The following FOXO3 variants were observed in gnomAD, a reference collection of about 807,000 sequenced individuals.
FOXO3 encodes the protein forkhead box O3, also known as forkhead box protein O3.
A neutral mutation model predicts 41.9 loss-of-function variants in FOXO3; 4 were observed. The observed-to-expected ratio is 0.10, with a 90% CI of 0.05 to 0.22. The LOEUF is 0.22. Among genes scored for constraint, FOXO3 ranks in the 10% least tolerant of loss-of-function variants. FOXO3 has a pLI of 1.00. For synonymous variants in FOXO3, 318 were observed against 389.3 expected (o/e 0.82, Z 2.16); for missense variants, 534 against 906.8 (o/e 0.59, Z 5.28).
chr6:108,671,328 G>A (rs939705330), intron 2 of FOXO3, among the ~76,000 whole-genome samples: 3 of 152,152 alleles, frequency 2.0e-5, no homozygotes, highest in African/African-American at 4.8e-5. Context: ...GACATGAGCC[G>A]CCCACTTCAG....
intron 1 of FOXO3, among the ~76,000 whole-genome samples, chr6:108,602,614 G>A (rs1039328753): frequency 6.6e-6 from 1 of 151,968 alleles, no homozygotes; most frequent in African/African-American, 2.4e-5. Flanking sequence ...TTATCCAGAA[G>A]GAGGCAAGTG....
intron 2 of FOXO3, among the ~76,000 whole-genome samples, chr6:108,670,646 T>G (rs2128390058): frequency 6.6e-6 from 1 of 152,322 alleles, no homozygotes; most frequent in South Asian, 2.1e-4. Flanking sequence ...TAAATGTGTT[T>G]GATATCTTGA....
At chr6:108,650,500 T>A (rs182577285) in intron 1 of FOXO3, among the ~76,000 whole-genome samples, 1 of 152,234 alleles carries the variant, frequency 6.6e-6, no homozygotes, top group Admixed American at 6.5e-5. Flanking sequence ...GTGATAGATA[T>A]TACACTACTG....
At chr6:108,594,468 G>A (rs897901162) in intron 1 of FOXO3, among the ~76,000 whole-genome samples, 1 of 152,160 alleles carries the variant, frequency 6.6e-6, no homozygotes, top group African/African-American at 2.4e-5. Flanking sequence ...GACCAAGGCA[G>A]CAGGAGGAGA....
intron 2 of FOXO3, among the ~76,000 whole-genome samples, chr6:108,671,453 C>T (rs570509521): frequency 2.4e-4 from 36 of 152,214 alleles, no homozygotes; most frequent in Non-Finnish European, 5.0e-4. Context: ...GTGGGACTTG[C>T]AGCAGAAGGC....
chr6:108,656,482 C>G, intron 1 of FOXO3: 1 of 985,382 alleles, frequency 1.0e-6, no homozygotes, highest in Non-Finnish European at 1.2e-6. Context: ...GAAATCCTTT[C>G]CTGGAAGGGG....
intron 1 of FOXO3, among the ~76,000 whole-genome samples, chr6:108,578,361 G>A (rs1776319325): frequency 6.6e-6 from 1 of 152,150 alleles, no homozygotes; most frequent in East Asian, 1.9e-4. Flanking sequence ...TCTTAACGTC[G>A]CTTGCCATCT....
At chr6:108,634,545 G>T (rs1170134915) in intron 1 of FOXO3, among the ~76,000 whole-genome samples, 1 of 152,106 alleles carries the variant, frequency 6.6e-6, no homozygotes, top group Admixed American at 6.6e-5. Context: ...GGTGCTTGAG[G>T]TTGTGTACTT....
intron 1 of FOXO3, among the ~76,000 whole-genome samples, chr6:108,583,759 T>G (rs939175564): frequency 6.6e-6 from 1 of 152,262 alleles, no homozygotes. Flanking sequence ...CTAGTCACTT[T>G]AAATGTTACC....
At chr6:108,615,805 T>C (rs937997165) in intron 1 of FOXO3, among the ~76,000 whole-genome samples, 2 of 152,106 alleles carry the variant, frequency 1.3e-5, no homozygotes, top group Admixed American at 1.3e-4. Context: ...GTTGGTTAGT[T>C]GCTGTTGTTG....
At chr6:108,608,012 A>G (rs753952140) in intron 1 of FOXO3, among the ~76,000 whole-genome samples, 1 of 152,182 alleles carries the variant, frequency 6.6e-6, no homozygotes, top group South Asian at 2.1e-4. Context: ...TGGCAGGTCT[A>G]ACCTTCAGTC....
intron 1 of FOXO3, chr6:108,656,479 T>A: frequency 1.0e-6 from 1 of 985,414 alleles, no homozygotes; most frequent in Non-Finnish European, 1.2e-6. Flanking sequence ...TTTGAAATCC[T>A]TTCCTGGAAG....
intron 1 of FOXO3, among the ~76,000 whole-genome samples, chr6:108,640,601 T>C (rs1290926139): frequency 1.3e-5 from 2 of 152,210 alleles, no homozygotes; most frequent in African/African-American, 4.8e-5. Context: ...GTGTGAACAT[T>C]TTAGCATTTG....
At position 108,663,558 on chromosome 6, in the gene FOXO3, A is replaced by G. The variant is rs1778934238; in HGVS notation, c.725A>G (p.Lys242Arg). The G allele has an allele frequency of 6.2e-7, 1 of 1,613,858 alleles. No homozygotes were observed. Residue 242 changes from lysine to arginine, a missense_variant, in exon 2 of 3, where the codon AAG becomes AGG. Around this residue, in one of 8 missense-constraint regions of FOXO3, gnomAD observed 77 missense variants for 193.2 expected, o/e 0.40. Transcript: ENST00000406360. ...SWWIINPDGG[K>R]SGKAPRRRAV... ...TGGATCATCAACCCTGATGGGGGGA[A>G]GAGCGGAAAAGCCCCCCGGCGGCGG...
At chr6:108,658,392 T>G (rs1485474817) in intron 1 of FOXO3, among the ~76,000 whole-genome samples, 1 of 152,162 alleles carries the variant, frequency 6.6e-6, no homozygotes, top group African/African-American at 2.4e-5. Context: ...GAACTTTCTG[T>G]AGGTAATAGG....
chr6:108,567,222 G>T (rs1562226649), intron 1 of FOXO3, among the ~76,000 whole-genome samples: 1 of 152,180 alleles, frequency 6.6e-6, no homozygotes, highest in Non-Finnish European at 1.5e-5. Context: ...TTGATGTGGG[G>T]CATGGCTTGG....
intron 1 of FOXO3, among the ~76,000 whole-genome samples, chr6:108,566,768 C>G (rs1378812346): frequency 6.6e-6 from 1 of 152,116 alleles, no homozygotes; most frequent in Admixed American, 6.5e-5. Flanking sequence ...TTTCCTGCAT[C>G]ACAAATTGAG....
At chr6:108,606,727 CA>C (rs1458357233) in intron 1 of FOXO3, among the ~76,000 whole-genome samples, 2 of 152,328 alleles carry the variant, frequency 1.3e-5, no homozygotes, top group Middle Eastern at 3.4e-3. Flanking sequence ...TACCTGTTTT[CA>C]ATAGTTAAAA....
At chr6:108,566,719 A>G (rs1304188515) in intron 1 of FOXO3, among the ~76,000 whole-genome samples, 3 of 152,074 alleles carry the variant, frequency 2.0e-5, no homozygotes, top group Non-Finnish European at 4.4e-5. Context: ...GCCTATAGGG[A>G]CAGACTTGAC....
Sources: gnomAD v4.1 joint callset for allele counts (sites outside exome capture counted in the v4.1 genomes callset) on GRCh38, gnomAD v4.1.1 for gene constraint, gnomAD v4.1.1 regional missense constraint, MANE v1.5 for transcripts, NCBI Gene and HGNC (gene_info 2026-07-23, HGNC 2026-07-21) for gene names.